The following UGT2A1 variants were observed in gnomAD, a reference collection of about 807,000 sequenced individuals.
UGT2A1 encodes the protein UDP-glucuronosyltransferase 2A1.
A neutral mutation model predicts 45.4 loss-of-function variants in UGT2A1; 61 were observed. The observed-to-expected ratio is 1.34, with a 90% CI of 1.09 to 1.66. The LOEUF is 1.66. Ranked by LOEUF, UGT2A1 falls within the 40% of genes most tolerant of loss-of-function variation. The pLI, the probability that UGT2A1 is intolerant of heterozygous loss-of-function variation, is 0.00. For synonymous variants in UGT2A1, 229 were observed against 196.2 expected (o/e 1.17, Z -1.40); for missense variants, 649 against 574.3 (o/e 1.13, Z -1.33).
At chr4:69,615,352 C>T (rs1041379965) in intron 3 of UGT2A1, among the ~76,000 whole-genome samples, 2 of 151,856 alleles carry the variant, frequency 1.3e-5, no homozygotes, top group Non-Finnish European at 2.9e-5. Flanking sequence ...CCATCCAAAG[C>T]AAAAATGGAC....
In UGT2A1 at chr4:69,591,796, C is replaced by T. The variant is rs548535753; in HGVS notation, c.1305-2145G>A. ...GAGTTAAAGAGAATCACAGACTGTA[C>T]CTACACTGATAATTAATAAAATGAA... On this transcript the variant is annotated intron_variant, in intron 6 of 6. Coordinates refer to ENST00000286604, the MANE Select transcript of UGT2A1 (RefSeq NM_001252275.3). Among the ~76,000 whole-genome samples, 184 of 152,140 alleles carry T rather than the reference C, an allele frequency of 1.2e-3. 1 individual carries two copies. The South Asian group carries it at 0.018, about 15-fold the overall frequency.
At chr4:69,628,217 A>G (rs1721193956) in intron 3 of UGT2A1, among the ~76,000 whole-genome samples, 1 of 151,950 alleles carries the variant, frequency 6.6e-6, no homozygotes, top group Non-Finnish European at 1.5e-5. Context: ...ATGAATCCAT[A>G]TTAAAATCCC....
intron 1 of UGT2A1, 81 bp downstream of exon 1, chr4:69,653,107 A>G (rs1036200931): frequency 1.3e-5 from 2 of 152,240 alleles, no homozygotes; most frequent in Non-Finnish European, 2.9e-5. Context: ...TTAAAGATTG[A>G]TATTTCTTTA....
intron 1 of UGT2A1, among the ~76,000 whole-genome samples, chr4:69,652,975 C>T (rs1023333961): frequency 2.6e-5 from 4 of 152,100 alleles, no homozygotes; most frequent in Non-Finnish European, 5.9e-5. Context: ...ACAGTTCCCT[C>T]GATATCTGTA....
chr4:69,646,898 T>G, intron 2 of UGT2A1, 32 bp downstream of exon 2: 2 of 1,477,402 alleles, frequency 1.4e-6, no homozygotes. Context: ...TTTGTTCAAA[T>G]TCAAGTAATA....
chr4:69,597,654 C>T (rs1719010953), intron 4 of UGT2A1, among the ~76,000 whole-genome samples: 1 of 151,856 alleles, frequency 6.6e-6, no homozygotes, highest in Non-Finnish European at 1.5e-5. Flanking sequence ...TTCTGAAGTC[C>T]CAGGAATTGG....
At chr4:69,642,940 T>A (rs1477530051) in intron 2 of UGT2A1, among the ~76,000 whole-genome samples, 1 of 151,518 alleles carries the variant, frequency 6.6e-6, no homozygotes, top group African/African-American at 2.4e-5. Flanking sequence ...TGCCCAGTTT[T>A]GGTGTTTTTT....
intron 3 of UGT2A1, among the ~76,000 whole-genome samples, chr4:69,625,216 C>G (rs1046230206): frequency 4.7e-5 from 7 of 148,604 alleles, no homozygotes; most frequent in African/African-American, 1.7e-4. Context: ...TTCCATTTTT[C>G]AGATTTTCTT....
intron 1 of UGT2A1, among the ~76,000 whole-genome samples, chr4:69,651,181 T>G (rs1234783785): frequency 1.3e-5 from 2 of 152,160 alleles, no homozygotes; most frequent in African/African-American, 4.8e-5. Flanking sequence ...GAAAACTAAA[T>G]GAAGTTATAT....
At chr4:69,632,874 C>T (rs1422908562) in intron 3 of UGT2A1, among the ~76,000 whole-genome samples, 2 of 141,764 alleles carry the variant, frequency 1.4e-5, no homozygotes, top group African/African-American at 2.7e-5. Flanking sequence ...AGCGACAGTG[C>T]AAGACTCGGT....
At chr4:69,626,432 T>A (rs1721064256) in intron 3 of UGT2A1, among the ~76,000 whole-genome samples, 2 of 151,628 alleles carry the variant, frequency 1.3e-5, no homozygotes, top group African/African-American at 4.8e-5. Context: ...CCACCTACTA[T>A]TTCTAGTTGT....
At chr4:69,630,734 T>C (rs913930639) in intron 3 of UGT2A1, among the ~76,000 whole-genome samples, 2 of 152,170 alleles carry the variant, frequency 1.3e-5, no homozygotes, top group African/African-American at 4.8e-5. Flanking sequence ...ATATGTTTTA[T>C]TATGTTAGCG....
Position 69,604,473 on chromosome 4 carries a change from A to G in UGT2A1, c.848-5079T>C, listed in dbSNP as rs1719481152. Among the ~76,000 whole-genome samples the G allele has an allele frequency of 1.5e-5, 2 of 137,216 alleles. 1 individual carries two copies. Among genetic ancestry groups the G allele is most frequent in the Non-Finnish European group, 3.1e-5 (2 of 64,454 alleles). The allele number at this position is 137,216 out of a possible 152,430, so 90.0% of individuals were successfully genotyped here. ...ACCAGCCACTGCAAAAACATGCCACATTGTACAGACCATCGAGGCTAGGAA... is the reference window on the plus strand; with the variant it reads ...ACCAGCCACTGCAAAAACATGCCACGTTGTACAGACCATCGAGGCTAGGAA... On this transcript the variant is annotated intron_variant, in intron 3 of 6. Coordinates refer to ENST00000286604, the MANE Select transcript of UGT2A1 (RefSeq NM_001252275.3).
Position 69,647,695 on chromosome 4 carries a change from T to C in UGT2A1, c.-51A>G. On this transcript the variant is annotated 5_prime_UTR_variant, in exon 2 of 7. Coordinates refer to ENST00000286604, the MANE Select transcript of UGT2A1 (RefSeq NM_001252275.3). ...ATGAGATGTGAAGCAAATGTTTTTC[T>C]CTGCTTTTAAAGAAAAAAAGGAAAG... The C allele has an allele frequency of 3.9e-6, 5 of 1,296,578 alleles. No homozygotes were observed. Among genetic ancestry groups the C allele is most frequent in the Non-Finnish European group, 5.2e-6 (5 of 962,106 alleles). The allele number at this position is 1,296,578 out of a possible 1,614,324, so 80.3% of individuals were successfully genotyped here.
chr4:69,647,873 T>C (rs899132981), intron 1 of UGT2A1, 175 bp from the exon 2 acceptor site: 4 of 348,804 alleles, frequency 1.1e-5, no homozygotes, highest in Non-Finnish European at 2.1e-5. Flanking sequence ...GTTTTAATTT[T>C]AGTGTTTTAG....
intron 3 of UGT2A1, among the ~76,000 whole-genome samples, chr4:69,609,871 G>A (rs932374094): frequency 6.6e-6 from 1 of 152,090 alleles, no homozygotes; most frequent in African/African-American, 2.4e-5. Flanking sequence ...AACTGTCATA[G>A]AACTTGGGGA....
intron 4 of UGT2A1, 129 bp downstream of exon 4, chr4:69,599,117 G>GA: frequency 7.4e-7 from 1 of 1,358,362 alleles, no homozygotes; most frequent in Non-Finnish European, 9.7e-7. Flanking sequence ...CTATCACAAG[G>GA]AAAATAGATG....
At chr4:69,597,899 C>T (rs1223980993) in intron 4 of UGT2A1, among the ~76,000 whole-genome samples, 1 of 151,888 alleles carries the variant, frequency 6.6e-6, no homozygotes. Flanking sequence ...AAGCCTATAT[C>T]GATATTTATA....
intron 3 of UGT2A1, among the ~76,000 whole-genome samples, chr4:69,602,957 A>G (rs1322835122): frequency 7.4e-6 from 1 of 135,186 alleles, no homozygotes; most frequent in Non-Finnish European, 1.6e-5. Context: ...AATCCCAGAT[A>G]CTCTAGAGGC....
Sources: allele counts gnomAD v4.1 joint callset (sites outside exome capture counted in the v4.1 genomes callset), GRCh38; gene constraint gnomAD v4.1.1; transcripts MANE v1.5; gene names NCBI Gene and HGNC (gene_info 2026-07-23, HGNC 2026-07-21).